Variants in GALNT14 observed in about 807,000 individuals in gnomAD.
GALNT14 encodes UDP-GalNAc:polypeptide N-acetylgalactosaminyltransferase 14.
GALNT14 carries 60 observed loss-of-function variants against 77.5 expected under a neutral mutation model. That is an observed-to-expected ratio of 0.77 (90% CI 0.63 to 0.96). The LOEUF (loss-of-function observed/expected upper bound fraction) is 0.96, where lower values mean the gene tolerates loss of function less well. Ranked by LOEUF, GALNT14 falls within the 40% of genes least tolerant of loss-of-function variation. The pLI is 0.00. For synonymous variants in GALNT14, 280 were observed against 281.7 expected (o/e 0.99, Z 0.06); for missense variants, 710 against 731.0 (o/e 0.97, Z 0.33).
At position 31,106,700 on chromosome 2, in the gene GALNT14, G is replaced by C. The variant is rs75269693; in HGVS notation, c.129+31258C>G. On this transcript the variant is annotated intron_variant, in intron 1 of 14. Transcript: ENST00000349752. ...AAATACTTGATTAGACTTTTCATCT[G>C]CTCCCTGAAATTATTTTCCTGGGAA... 5.0e-3 allele frequency among the ~76,000 whole-genome samples: 766 copies of C among 152,286 alleles called. 9 individuals are homozygous for C. The highest frequency in any genetic ancestry group is 0.018 in the African/African-American group (739 of 41,572).
intron 1 of GALNT14, among the ~76,000 whole-genome samples, chr2:31,063,868 T>G (rs540443777): frequency 6.6e-6 from 1 of 152,288 alleles, no homozygotes; most frequent in Admixed American, 6.5e-5. Flanking sequence ...TTGTCTATTA[T>G]TCGTGTAAGT....
At chr2:30,978,221 C>G (rs1317147255) in intron 2 of GALNT14, among the ~76,000 whole-genome samples, 2 of 152,222 alleles carry the variant, frequency 1.3e-5, no homozygotes, top group Non-Finnish European at 2.9e-5. Context: ...ACCTTCCCTC[C>G]TCCAGCTGCC....
chr2:30,910,952 G>A lies in GALNT14; in HGVS notation c.1608C>T (p.Asn536=), dbSNP rs1664320895. Residue 536 remains asparagine (N), a synonymous_variant, in exon 15 of 15, where the codon AAC becomes AAT. Coordinates refer to ENST00000349752, the MANE Select transcript of GALNT14 (RefSeq NM_024572.4). ...GGCTCATGAGTGAGGACTCACATGGGTTGACGACGATTTCCTTGCCGTTCT... is the reference window on the plus strand; with the variant it reads ...GGCTCATGAGTGAGGACTCACATGGATTGACGACGATTTCCTTGCCGTTCT... The part of the protein sequence containing the change: ...GTENGKEIVV[N]PCESSLMSQH... 7 of 1,613,784 alleles carry A rather than the reference G, an allele frequency of 4.3e-6. No individual in the cohort carries two copies. Among genetic ancestry groups the A allele is most frequent in the Non-Finnish European group, 5.1e-6 (6 of 1,179,988 alleles).
At chr2:31,053,669 T>C (rs1281059629) in intron 1 of GALNT14, among the ~76,000 whole-genome samples, 1 of 152,162 alleles carries the variant, frequency 6.6e-6, no homozygotes, top group Non-Finnish European at 1.5e-5. Context: ...AAAAAGCAGT[T>C]GCCTGCTTCC....
chr2:31,036,194 A>T (rs1004091199), intron 1 of GALNT14, among the ~76,000 whole-genome samples: 1 of 152,072 alleles, frequency 6.6e-6, no homozygotes, highest in Admixed American at 6.6e-5. Flanking sequence ...TGTATGCCTT[A>T]TGTCTTTGTT....
rs770072970 is a variant in GALNT14, at chr2:31,020,592, C to T, written c.130-27585G>A. ...CCCCGGGGAAGCTATTTTTAATCTTCGACTCCTCAACTTTCATGCTTGGCC... is the reference window on the plus strand; with the variant it reads ...CCCCGGGGAAGCTATTTTTAATCTTTGACTCCTCAACTTTCATGCTTGGCC... On this transcript the variant is annotated intron_variant, in intron 1 of 14. Coordinates refer to ENST00000349752, the MANE Select transcript of GALNT14 (RefSeq NM_024572.4). Among the ~76,000 whole-genome samples the T allele has an allele frequency of 8.5e-4, 130 of 152,256 alleles. 3 individuals are homozygous for T. Among genetic ancestry groups the T allele is most frequent in the Non-Finnish European group, 2.2e-4 (15 of 68,018 alleles).
In GALNT14 at chr2:30,968,720, G is replaced by A. The variant is rs572834814; in HGVS notation, c.300-2418C>T. Among the ~76,000 whole-genome samples, 3 of 152,360 alleles carry A rather than the reference G, an allele frequency of 2.0e-5. No homozygotes were observed. In the East Asian group the frequency reaches 5.8e-4, roughly 29 times the overall value. On this transcript the variant is annotated intron_variant, in intron 2 of 14. Transcript: ENST00000349752. ...CCCAGCCAAGATGCTCTGAATTCCTGACCCACAGACACTGTGAAGATAATC... is the reference window on the plus strand; with the variant it reads ...CCCAGCCAAGATGCTCTGAATTCCTAACCCACAGACACTGTGAAGATAATC...
At chr2:31,117,220 A>C (rs990750342) in intron 1 of GALNT14, among the ~76,000 whole-genome samples, 2 of 152,164 alleles carry the variant, frequency 1.3e-5, no homozygotes, top group African/African-American at 4.8e-5. Flanking sequence ...AGTATCAAAA[A>C]TCCTAAGGAT....
intron 1 of GALNT14, among the ~76,000 whole-genome samples, chr2:31,052,334 CAT>C (rs537949430): frequency 3.5e-4 from 54 of 152,336 alleles, no homozygotes; most frequent in African/African-American, 1.3e-3. Context: ...CTGGCAGAAA[CAT>C]ATGTGACCCT....
intron 1 of GALNT14, among the ~76,000 whole-genome samples, chr2:31,135,800 A>T (rs1157825622): frequency 2.6e-5 from 4 of 152,142 alleles, no homozygotes; most frequent in African/African-American, 9.7e-5. Flanking sequence ...ATGCCAAAGG[A>T]CAGGGACACA....
chr2:31,123,836 C>T (rs1678545543), intron 1 of GALNT14, among the ~76,000 whole-genome samples: 1 of 152,210 alleles, frequency 6.6e-6, no homozygotes, highest in African/African-American at 2.4e-5. Flanking sequence ...TCCCCTTGGC[C>T]TCACATTCCA....
intron 3 of GALNT14, among the ~76,000 whole-genome samples, chr2:30,965,318 C>T (rs1279729877): frequency 6.6e-6 from 1 of 152,160 alleles, no homozygotes; most frequent in Non-Finnish European, 1.5e-5. Context: ...CTCCTCACCT[C>T]TGCAGCTGAG....
At chr2:31,076,626 TATA>T (rs765966831) in intron 1 of GALNT14, among the ~76,000 whole-genome samples, 173 of 122,026 alleles carry the variant, frequency 1.4e-3, no homozygotes, top group African/African-American at 2.9e-3. Flanking sequence ...TATATATATA[TATA>T]TTTTTTTTTT....
chr2:31,047,577 T>C (rs954292278), intron 1 of GALNT14, among the ~76,000 whole-genome samples: 2 of 152,218 alleles, frequency 1.3e-5, no homozygotes, highest in African/African-American at 4.8e-5. Flanking sequence ...CCCCAAGGCA[T>C]TCCCTAGTCT....
At chr2:31,033,731 T>C (rs1198281326) in intron 1 of GALNT14, among the ~76,000 whole-genome samples, 1 of 152,126 alleles carries the variant, frequency 6.6e-6, no homozygotes, top group African/African-American at 2.4e-5. Context: ...CCCAGCCCAT[T>C]CCAGCTTCCT....
intron 1 of GALNT14, among the ~76,000 whole-genome samples, chr2:31,076,630 T>TATATATATATATATATATA (rs1553373510): frequency 5.7e-5 from 5 of 87,242 alleles, no homozygotes; most frequent in African/African-American, 2.5e-4. Flanking sequence ...TATATATATA[T>TATATATATATATATATATA]TTTTTTTTTT....
chr2:31,053,584 C>T (rs1674029072), intron 1 of GALNT14, among the ~76,000 whole-genome samples: 1 of 152,142 alleles, frequency 6.6e-6, no homozygotes. Flanking sequence ...CATGCCACGC[C>T]AGAAATCCCA....
At chr2:30,967,225 G>C (rs1042740980) in intron 2 of GALNT14, among the ~76,000 whole-genome samples, 1 of 152,178 alleles carries the variant, frequency 6.6e-6, no homozygotes, top group African/African-American at 2.4e-5. Context: ...GACTTCAAGG[G>C]ACACGTGAGC....
At chr2:30,994,584 T>A (rs2148407925) in intron 1 of GALNT14, among the ~76,000 whole-genome samples, 1 of 152,336 alleles carries the variant, frequency 6.6e-6, no homozygotes, top group Non-Finnish European at 1.5e-5. Context: ...ATACTGCGGC[T>A]ACAGAACATT....
Sources: gnomAD v4.1 joint callset for allele counts (sites outside exome capture counted in the v4.1 genomes callset) on GRCh38, gnomAD v4.1.1 for gene constraint, MANE v1.5 for transcripts, NCBI Gene and HGNC (gene_info 2026-07-23, HGNC 2026-07-21) for gene names.